Variants in GSK3B observed in about 807,000 individuals in gnomAD.
GSK3B encodes glycogen synthase kinase 3 beta.
GSK3B carries 15 observed loss-of-function variants against 56.4 expected under a neutral mutation model. The observed-to-expected ratio is 0.27, with a 90% CI of 0.18 to 0.41. GSK3B has a LOEUF of 0.41. Among genes scored for constraint, GSK3B ranks in the 10% least tolerant of loss-of-function variants. The pLI is 1.00. For synonymous variants in GSK3B, 181 were observed against 188.9 expected (o/e 0.96, Z 0.34); for missense variants, 300 against 513.4 (o/e 0.58, Z 4.02).
At chr3:119,899,253 T>C (rs2056602525) in intron 7 of GSK3B, among the ~76,000 whole-genome samples, 1 of 152,124 alleles carries the variant, frequency 6.6e-6, no homozygotes, top group Non-Finnish European at 1.5e-5. Context: ...CAGCATGCAA[T>C]TTAAAACTCA....
At position 119,876,656 on chromosome 3, in the gene GSK3B, A is replaced by G. The variant is rs1719895; in HGVS notation, c.814-148T>C. The G allele has an allele frequency of 0.91, 547,127 of 602,690 alleles. 248,832 individuals carry two copies. The highest frequency in any genetic ancestry group is 0.94 in the Admixed American group (32,244 of 34,382). 37.3% of individuals were successfully genotyped at this position (602,690 alleles called of 1,614,324 possible). ...TAAATAGAGCAGTGCCATGATTTGAATATGTCCCCCAAAGCTCATGTGTTG... is the reference window on the plus strand; with the variant it reads ...TAAATAGAGCAGTGCCATGATTTGAGTATGTCCCCCAAAGCTCATGTGTTG... On this transcript the variant is annotated intron_variant, in intron 7 of 10. Transcript: ENST00000264235.
rs1374334098 is a variant in GSK3B at position 119,824,360 on chromosome 3, T to TGCACACAC, written c.*2420_*2427dup. 1.4e-5 allele frequency: 3 copies of TGCACACAC among 220,346 alleles called. No homozygotes were observed. Among genetic ancestry groups the TGCACACAC allele is most frequent in the African/African-American group, 4.5e-5 (2 of 44,338 alleles). 13.6% of individuals were successfully genotyped at this position (220,346 alleles called of 1,614,324 possible). ...ACACACACACACACACACGCACACA[T>TGCACACAC]GCACACACAATGAAATGAGAGAAAA... is the stretch of plus-strand genomic sequence containing the variant. On this transcript the variant is annotated 3_prime_UTR_variant, in exon 11 of 11. Transcript: ENST00000264235.
intron 10 of GSK3B, among the ~76,000 whole-genome samples, chr3:119,838,014 A>C (rs924565155): frequency 6.0e-5 from 9 of 150,478 alleles, no homozygotes; most frequent in Non-Finnish European, 1.0e-4. Context: ...TTGGCTGGCC[A>C]CAGTGGCTCA....
At chr3:120,093,187 G>A (rs1479799217) in intron 1 of GSK3B, among the ~76,000 whole-genome samples, 160 bp downstream of exon 1, 5 of 152,102 alleles carry the variant, frequency 3.3e-5, no homozygotes, top group Non-Finnish European at 7.4e-5. Context: ...GGTATGGGAG[G>A]AGTAAAAAGG....
chr3:119,862,208 G>A (rs1356885496), intron 9 of GSK3B, among the ~76,000 whole-genome samples: 1 of 147,398 alleles, frequency 6.8e-6, no homozygotes, highest in Non-Finnish European at 1.5e-5. Flanking sequence ...AAAATGATGA[G>A]TTCATATCCT....
intron 2 of GSK3B, among the ~76,000 whole-genome samples, chr3:119,948,774 T>C (rs1482908042): frequency 3.9e-5 from 6 of 152,150 alleles, no homozygotes; most frequent in African/African-American, 1.4e-4. Context: ...TCTCGGCTCA[T>C]TGCAACCTTT....
chr3:119,874,634 T>C (rs1488624691), intron 8 of GSK3B, among the ~76,000 whole-genome samples: 2 of 151,912 alleles, frequency 1.3e-5, no homozygotes, highest in African/African-American at 4.8e-5. Context: ...AGGAGGATAA[T>C]ATGTGATGAA....
At chr3:120,031,761 T>C (rs946699682) in intron 1 of GSK3B, among the ~76,000 whole-genome samples, 8 of 152,344 alleles carry the variant, frequency 5.3e-5, no homozygotes, top group Admixed American at 5.2e-4. Flanking sequence ...CCTAAGTAAG[T>C]ATATAATTAG....
rs1307930763 is a variant in GSK3B at position 119,979,324 on chromosome 3, C to G, written c.282+22722G>C. 3.3e-5 allele frequency among the ~76,000 whole-genome samples: 5 copies of G among 152,254 alleles called. No individual in the cohort carries two copies. The South Asian group carries it at 6.2e-4, about 19-fold the overall frequency. ...AAAATCTTTCTTCTTATTAAAAACC[C>G]TCTCCGGGTCTCTCCTTCCTCCGAA... On this transcript the variant is annotated intron_variant, in intron 2 of 10. Coordinates refer to ENST00000264235, the MANE Select transcript of GSK3B (RefSeq NM_001146156.2).
intron 1 of GSK3B, among the ~76,000 whole-genome samples, chr3:120,030,727 T>G (rs1038397426): frequency 6.6e-6 from 1 of 152,220 alleles, no homozygotes; most frequent in South Asian, 2.1e-4. Flanking sequence ...TCTAGGACAA[T>G]CCAATCTAAA....
intron 2 of GSK3B, among the ~76,000 whole-genome samples, chr3:119,995,355 T>A (rs1037685304): frequency 6.6e-6 from 1 of 151,512 alleles, no homozygotes; most frequent in Non-Finnish European, 1.5e-5. Flanking sequence ...ATAATATATA[T>A]AGAGAGGAAG....
At chr3:119,952,314 C>G (rs1196372580) in intron 2 of GSK3B, among the ~76,000 whole-genome samples, 1 of 151,572 alleles carries the variant, frequency 6.6e-6, no homozygotes, top group Non-Finnish European at 1.5e-5. Flanking sequence ...ATGGTGAAAC[C>G]CCATCTCTAC....
At chr3:119,981,557 C>T (rs763785215) in intron 2 of GSK3B, among the ~76,000 whole-genome samples, 12 of 152,274 alleles carry the variant, frequency 7.9e-5, no homozygotes, top group Non-Finnish European at 1.6e-4. Flanking sequence ...GTGCCTGGCT[C>T]GGCGGGTCCC....
At position 120,066,606 on chromosome 3, in the gene GSK3B, T is replaced by C. The variant is rs150773037; in HGVS notation, c.88+26741A>G. Among the ~76,000 whole-genome samples the C allele has an allele frequency of 5.2e-4, 79 of 152,336 alleles. 1 individual carries two copies. In the East Asian group the frequency reaches 0.013, roughly 25 times the overall value. On this transcript the variant is annotated intron_variant, in intron 1 of 10. Transcript: ENST00000264235. ...AAAATTGAGGTAAAGTTCTTCTTTA[T>C]AGAAAAATTCCAGCTACAAATACAA...
intron 8 of GSK3B, among the ~76,000 whole-genome samples, chr3:119,869,861 T>C (rs1206309337): frequency 6.6e-6 from 1 of 152,246 alleles, no homozygotes; most frequent in Admixed American, 6.5e-5. Flanking sequence ...CATTTAACTA[T>C]GTAACATAAT....
intron 1 of GSK3B, among the ~76,000 whole-genome samples, chr3:120,048,946 A>C (rs1453373758): frequency 6.6e-6 from 1 of 152,214 alleles, no homozygotes; most frequent in Non-Finnish European, 1.5e-5. Flanking sequence ...AATGAAAGTC[A>C]ATCAAATTCC....
chr3:119,933,110 T>C (rs79915477), intron 3 of GSK3B, among the ~76,000 whole-genome samples: 3,939 of 151,860 alleles, frequency 0.026, 175 homozygotes, highest in African/African-American at 0.089. Context: ...AAAGGAAATA[T>C]GGAAATACGC....
At chr3:119,857,004 T>G (rs2056031711) in intron 9 of GSK3B, among the ~76,000 whole-genome samples, 1 of 152,142 alleles carries the variant, frequency 6.6e-6, no homozygotes, top group South Asian at 2.1e-4. Context: ...TACCCTACAC[T>G]ATCGTCTATT....
At chr3:119,903,117 C>T (rs1024614310) in intron 7 of GSK3B, among the ~76,000 whole-genome samples, 70 of 152,274 alleles carry the variant, frequency 4.6e-4, no homozygotes, top group African/African-American at 1.5e-3. Context: ...TAAACATATA[C>T]ACACTTGCAC....
Sources: allele counts gnomAD v4.1 joint callset (sites outside exome capture counted in the v4.1 genomes callset), GRCh38; gene constraint gnomAD v4.1.1; transcripts MANE v1.5; gene names NCBI Gene and HGNC (gene_info 2026-07-23, HGNC 2026-07-21).